F2RL1: variants seen among roughly 807,000 people sequenced by gnomAD.
The protein encoded by F2RL1 is proteinase-activated receptor 2.
Under a neutral mutation model 21.7 loss-of-function variants are expected in F2RL1, and 16 were observed. That is an observed-to-expected ratio of 0.74 (90% CI 0.50 to 1.12). The LOEUF (loss-of-function observed/expected upper bound fraction) is 1.12, where lower values mean the gene tolerates loss of function less well. F2RL1 is among the 50% of genes most tolerant of loss of function. The pLI, the probability that F2RL1 is intolerant of heterozygous loss-of-function variation, is 0.00. For synonymous variants in F2RL1, 181 were observed against 186.7 expected (o/e 0.97, Z 0.25); for missense variants, 432 against 477.8 (o/e 0.90, Z 0.89).
chr5:76,823,586 C>G (rs2243027), intron 1 of F2RL1, among the ~76,000 whole-genome samples: 1 of 151,884 alleles, frequency 6.6e-6, no homozygotes, highest in African/African-American at 2.4e-5. Context: ...GCCATGTTGG[C>G]CAGGCTGGTC....
At chr5:76,824,325 C>T (rs1287264850) in intron 1 of F2RL1, among the ~76,000 whole-genome samples, 1 of 151,744 alleles carries the variant, frequency 6.6e-6, no homozygotes, top group East Asian at 1.9e-4. Flanking sequence ...GAACTACTCC[C>T]CTCTTCCCGC....
chr5:76,824,857 A>C (rs2150605406), intron 1 of F2RL1, among the ~76,000 whole-genome samples: 1 of 152,298 alleles, frequency 6.6e-6, no homozygotes, highest in Non-Finnish European at 1.5e-5. Flanking sequence ...TATTCCTTTG[A>C]GATACAAAAT....
chr5:76,820,008 A>T (rs1036661305), intron 1 of F2RL1, among the ~76,000 whole-genome samples: 1 of 152,078 alleles, frequency 6.6e-6, no homozygotes, highest in Non-Finnish European at 1.5e-5. Flanking sequence ...ACCCTGCCTT[A>T]TATTTGACCA....
intron 1 of F2RL1, 56 bp downstream of exon 1, chr5:76,819,320 C>A: frequency 6.9e-7 from 1 of 1,452,408 alleles, no homozygotes; most frequent in African/African-American, 1.4e-5. Flanking sequence ...GTCCTGGGCA[C>A]GCTGGGCAGA....
At chr5:76,823,724 G>A (rs145544725) in intron 1 of F2RL1, among the ~76,000 whole-genome samples, 2 of 151,652 alleles carry the variant, frequency 1.3e-5, no homozygotes, top group African/African-American at 4.8e-5. Flanking sequence ...GGAATAGAAG[G>A]AGCATACCGT....
chr5:76,831,028 C>T (rs1750340350), intron 1 of F2RL1, among the ~76,000 whole-genome samples: 1 of 152,036 alleles, frequency 6.6e-6, no homozygotes, highest in African/African-American at 2.4e-5. Flanking sequence ...TAAAATTATT[C>T]AGTATCCTTA....
Position 76,833,201 on chromosome 5 carries a change from A to G in F2RL1, c.594A>G (p.Ile198Met), listed in dbSNP as rs1312471921. Reference sequence around the variant, plus strand: ...TTGCCATTGGCATCTCCCTGGCAATATGGCTGCTGATTCTGCTGGTCACCA... The same window carrying G: ...TTGCCATTGGCATCTCCCTGGCAATGTGGCTGCTGATTCTGCTGGTCACCA... ...ANIAIGISLA[I>M]WLLILLVTIP... Residue 198 changes from isoleucine to methionine, a missense_variant, in exon 2 of 2, where the codon ATA becomes ATG. Ile to Met is a conservative substitution (Grantham distance 10). Coordinates refer to ENST00000296677, the MANE Select transcript of F2RL1 (RefSeq NM_005242.6). 5.6e-6 allele frequency: 9 copies of G among 1,614,014 alleles called. No individual in the cohort carries two copies. Among genetic ancestry groups the G allele is most frequent in the Non-Finnish European group, 7.6e-6 (9 of 1,179,938 alleles).
chr5:76,821,570 TTTTTTTG>T (rs1750136484), intron 1 of F2RL1, among the ~76,000 whole-genome samples: 1 of 139,568 alleles, frequency 7.2e-6, no homozygotes, highest in Non-Finnish European at 1.5e-5. Flanking sequence ...TTTTTTTTTG[TTTTTTTG>T]GTTTTTTGGG....
intron 1 of F2RL1, among the ~76,000 whole-genome samples, chr5:76,827,457 C>A (rs901450963): frequency 6.6e-6 from 1 of 151,440 alleles, no homozygotes; most frequent in Non-Finnish European, 1.5e-5. Flanking sequence ...CGAGATCGCG[C>A]CACTGCACTC....
intron 1 of F2RL1, among the ~76,000 whole-genome samples, chr5:76,824,334 G>T (rs1750201509): frequency 6.8e-6 from 1 of 147,376 alleles, no homozygotes; most frequent in Non-Finnish European, 1.5e-5. Context: ...CCCTCTTCCC[G>T]CCCATCCCCG....
At chr5:76,827,767 T>C (rs1750271516) in intron 1 of F2RL1, among the ~76,000 whole-genome samples, 1 of 151,534 alleles carries the variant, frequency 6.6e-6, no homozygotes, top group Admixed American at 6.6e-5. Flanking sequence ...ACCCAGCTAA[T>C]TTTTGTATTT....
intron 1 of F2RL1, among the ~76,000 whole-genome samples, chr5:76,823,100 G>C (rs974751931): frequency 2.6e-5 from 4 of 151,922 alleles, no homozygotes; most frequent in African/African-American, 9.7e-5. Context: ...CATGGTGGCG[G>C]GCGCCTGTAG....
At chr5:76,826,215 T>G (rs578085150) in intron 1 of F2RL1, among the ~76,000 whole-genome samples, 3 of 152,138 alleles carry the variant, frequency 2.0e-5, no homozygotes, top group African/African-American at 7.2e-5. Flanking sequence ...TATCAGATAA[T>G]TTGCACACCA....
At chr5:76,832,125 T>G (rs1424632623) in intron 1 of F2RL1, among the ~76,000 whole-genome samples, 1 of 152,056 alleles carries the variant, frequency 6.6e-6, no homozygotes, top group East Asian at 1.9e-4. Context: ...TAGAAATCGA[T>G]GCTCCACATG....
intron 1 of F2RL1, among the ~76,000 whole-genome samples, chr5:76,826,927 G>A (rs905678184): frequency 2.0e-5 from 3 of 150,988 alleles, no homozygotes; most frequent in African/African-American, 7.3e-5. Flanking sequence ...GTGCAGTGGT[G>A]TAATCTCTGA....
chr5:76,827,259 A>T lies in F2RL1; in HGVS notation c.83-5431A>T, dbSNP rs529087836. On this transcript the variant is annotated intron_variant, in intron 1 of 1. Transcript: ENST00000296677. The stretch of plus-strand genomic sequence containing the variant: ...CACTTTGGGAGGCCGAGGTGGGCGG[A>T]TCACAAGGTCAGGAGATCGAGACCA... 3.4e-5 allele frequency among the ~76,000 whole-genome samples: 5 copies of T among 148,624 alleles called. No homozygotes were observed. In the East Asian group the frequency reaches 1.0e-3, roughly 30 times the overall value.
At chr5:76,827,013 C>A (rs1277305965) in intron 1 of F2RL1, among the ~76,000 whole-genome samples, 1 of 151,626 alleles carries the variant, frequency 6.6e-6, no homozygotes, top group African/African-American at 2.4e-5. Context: ...CTATGCCTGG[C>A]TAATTTTGTA....
In F2RL1 at chr5:76,819,181, G is replaced by A. The variant is rs755097159; in HGVS notation, c.-2G>A. The A allele has an allele frequency of 7.0e-6, 11 of 1,579,844 alleles. No homozygotes were observed. Among genetic ancestry groups the A allele is most frequent in the Non-Finnish European group, 9.4e-6 (11 of 1,172,166 alleles). On this transcript the variant is annotated 5_prime_UTR_variant, in exon 1 of 2. Coordinates refer to ENST00000296677, the MANE Select transcript of F2RL1 (RefSeq NM_005242.6). ...GCGCCCGGCGTCGGGGCTTCCAGGA[G>A]GATGCGGAGCCCCAGCGCGGCGTGG...
chr5:76,832,444 G>A (rs1365420614), intron 1 of F2RL1, among the ~76,000 whole-genome samples: 1 of 152,046 alleles, frequency 6.6e-6, no homozygotes, highest in Non-Finnish European at 1.5e-5. Context: ...TCTACAAAAA[G>A]TAAAAAATTA....
Sources: allele counts gnomAD v4.1 joint callset (sites outside exome capture counted in the v4.1 genomes callset), GRCh38; gene constraint gnomAD v4.1.1; transcripts MANE v1.5; gene names NCBI Gene and HGNC (gene_info 2026-07-23, HGNC 2026-07-21).